Variants in RBM20 observed in about 807,000 individuals in gnomAD.
RBM20 encodes the protein RNA binding motif protein 20, also known as RNA-binding protein 20.
A neutral mutation model predicts 110.1 loss-of-function variants in RBM20; 51 were observed. The ratio of observed to expected loss-of-function variants is 0.46; its 90% CI spans 0.37 to 0.59. The LOEUF is 0.59. RBM20 is among the 20% of genes least tolerant of loss of function. RBM20 has a pLI of 0.00. For missense variants in RBM20, 1,512 were observed against 1,574.9 expected (o/e 0.96, Z 0.68); for synonymous variants, 589 against 618.2 (o/e 0.95, Z 0.70).
At chr10:110,736,580 G>A (rs765690082) in intron 1 of RBM20, among the ~76,000 whole-genome samples, 1 of 152,142 alleles carries the variant, frequency 6.6e-6, no homozygotes, top group African/African-American at 2.4e-5. Context: ...AACTGAGAGG[G>A]ACATGGTGGT....
At chr10:110,697,228 G>A (rs1862678138) in intron 1 of RBM20, among the ~76,000 whole-genome samples, 1 of 151,186 alleles carries the variant, frequency 6.6e-6, no homozygotes, top group Non-Finnish European at 1.5e-5. Context: ...CAGCAGTGCT[G>A]GGCTGTAGTC....
At chr10:110,658,401 T>C (rs1862056133) in intron 1 of RBM20, among the ~76,000 whole-genome samples, 1 of 152,208 alleles carries the variant, frequency 6.6e-6, no homozygotes, top group Non-Finnish European at 1.5e-5. Flanking sequence ...TTATCCCAGT[T>C]AATCCTCCAA....
At chr10:110,669,896 TCAA>T (rs1248160395) in intron 1 of RBM20, among the ~76,000 whole-genome samples, 1 of 152,238 alleles carries the variant, frequency 6.6e-6, no homozygotes, top group East Asian at 1.9e-4. Context: ...TAGAACTTGG[TCAA>T]TCGACAAACT....
intron 1 of RBM20, among the ~76,000 whole-genome samples, chr10:110,714,111 G>A (rs1862980965): frequency 6.6e-6 from 1 of 152,150 alleles, no homozygotes; most frequent in Admixed American, 6.5e-5. Flanking sequence ...TATGGGAAGA[G>A]GACTTTGGGA....
chr10:110,769,674 G>T (rs1323918004), intron 1 of RBM20, among the ~76,000 whole-genome samples: 1 of 152,060 alleles, frequency 6.6e-6, no homozygotes, highest in African/African-American at 2.4e-5. Flanking sequence ...GCTAGTAGAA[G>T]TAGCTCATTA....
chr10:110,790,579 C>A (rs904635390), intron 5 of RBM20, among the ~76,000 whole-genome samples: 1 of 152,202 alleles, frequency 6.6e-6, no homozygotes, highest in Admixed American at 6.5e-5. Context: ...ATCTCTCTAG[C>A]TAGTGTATGT....
chr10:110,835,902 A>G lies in RBM20; in HGVS notation c.3608A>G (p.Lys1203Arg). The change falls in exon 14 of 14, where the codon AAG becomes AGG. Residue 1203 changes from lysine to arginine, a missense_variant. By Grantham distance (26) the Lys-to-Arg change is conservative. Coordinates refer to ENST00000369519, the MANE Select transcript of RBM20 (RefSeq NM_001134363.3). Reference sequence around the variant, plus strand: ...TCCCAGCTGGCCGAGGAGGGCCTCAAGGAGACCGAGGGGGCAGATAGCCCG... The same window carrying G: ...TCCCAGCTGGCCGAGGAGGGCCTCAGGGAGACCGAGGGGGCAGATAGCCCG... ...YLSQLAEEGL[K>R]ETEGADSPRP... The G allele has an allele frequency of 6.5e-7, 1 of 1,546,280 alleles. No homozygotes were observed. The highest frequency in any genetic ancestry group is 8.8e-7 in the Non-Finnish European group (1 of 1,142,462).
chr10:110,683,285 GTT>G (rs1321638919), intron 1 of RBM20, among the ~76,000 whole-genome samples: 1 of 152,220 alleles, frequency 6.6e-6, no homozygotes, highest in Non-Finnish European at 1.5e-5. Flanking sequence ...GCAGAAGGCA[GTT>G]TTATTTTTTG....
chr10:110,644,428 C>T lies in RBM20; in HGVS notation c.-27C>T, dbSNP rs1215301614. 3.5e-6 allele frequency: 5 copies of T among 1,448,184 alleles called. No homozygotes were observed. In the African/African-American group the frequency reaches 5.9e-5, roughly 17 times the overall value. The allele number at this position is 1,448,184 out of a possible 1,614,324, so 89.7% of individuals were successfully genotyped here. A position where few individuals can be genotyped will look rare whatever the true frequency, so the allele number is the denominator to read the frequency against. ...CCGCCCCTCCCTTGAGCTCTCTCGC[C>T]GCGATCCCGGGCGGGTCTCGCCCCG... is the stretch of plus-strand genomic sequence containing the variant. On this transcript the variant is annotated 5_prime_UTR_variant, in exon 1 of 14. Coordinates refer to ENST00000369519, the MANE Select transcript of RBM20 (RefSeq NM_001134363.3). This position sits in a 1 kb window ranked among gnomAD's most constrained non-coding sequence, Gnocchi z 4.3.
intron 1 of RBM20, among the ~76,000 whole-genome samples, chr10:110,735,521 G>A (rs1005726994): frequency 3.9e-5 from 6 of 152,200 alleles, no homozygotes; most frequent in African/African-American, 7.2e-5. Flanking sequence ...TGTGTTTTCC[G>A]AGCCTCCTGT....
chr10:110,814,051 C>T (rs1275967130), intron 9 of RBM20, among the ~76,000 whole-genome samples: 1 of 152,106 alleles, frequency 6.6e-6, no homozygotes, highest in Non-Finnish European at 1.5e-5. Context: ...TGGCAATATG[C>T]ATAAGGAGCC....
At chr10:110,795,255 C>T (rs1336408182) in intron 5 of RBM20, among the ~76,000 whole-genome samples, 1 of 152,232 alleles carries the variant, frequency 6.6e-6, no homozygotes, top group Non-Finnish European at 1.5e-5. Flanking sequence ...CTTAATAGCA[C>T]TCCTCCTTTC....
At chr10:110,697,313 G>C (rs1862680167) in intron 1 of RBM20, among the ~76,000 whole-genome samples, 1 of 152,194 alleles carries the variant, frequency 6.6e-6, no homozygotes, top group Non-Finnish European at 1.5e-5. Context: ...CTCACTCCTA[G>C]CCAGCTGCAC....
chr10:110,811,172 T>C (rs1844763113), intron 8 of RBM20, among the ~76,000 whole-genome samples: 1 of 152,168 alleles, frequency 6.6e-6, no homozygotes, highest in African/African-American at 2.4e-5. Context: ...CAGTCGGTGC[T>C]GTCACTTCCC....
rs1207647138 is a variant in RBM20 at position 110,783,441 on chromosome 10, A to G, written c.1337+14A>G. 2 of 1,546,334 alleles carry G rather than the reference A, an allele frequency of 1.3e-6. No homozygotes were observed. The highest frequency in any genetic ancestry group is 2.4e-5 in the East Asian group (1 of 40,870). ...CTTCTCTGAAAAGTAAGTGCTGTTC[A>G]GGAGGACAGGCTCATGCGTAGGCTC... On this transcript the variant is annotated intron_variant, in intron 3 of 13. Coordinates refer to ENST00000369519, the MANE Select transcript of RBM20 (RefSeq NM_001134363.3).
intron 7 of RBM20, among the ~76,000 whole-genome samples, chr10:110,809,318 A>G (rs1042365596): frequency 2.6e-5 from 4 of 151,952 alleles, no homozygotes; most frequent in East Asian, 1.9e-4. Flanking sequence ...AAAAGTTTAC[A>G]TAGACTGAGG....
At chr10:110,668,378 T>C (rs555780882) in intron 1 of RBM20, among the ~76,000 whole-genome samples, 4 of 152,216 alleles carry the variant, frequency 2.6e-5, no homozygotes, top group East Asian at 3.9e-4. Flanking sequence ...CTGAAAAGCA[T>C]AAAACAAGGG....
intron 7 of RBM20, among the ~76,000 whole-genome samples, chr10:110,809,129 T>A (rs888953655): frequency 1.3e-5 from 2 of 148,390 alleles, no homozygotes; most frequent in East Asian, 4.0e-4. Flanking sequence ...AGTGGGAGAA[T>A]CACTTGTGCC....
At position 110,656,272 on chromosome 10, in the gene RBM20, C is replaced by T. The variant is rs974367273; in HGVS notation, c.191+11627C>T. 1.2e-4 allele frequency among the ~76,000 whole-genome samples: 19 copies of T among 152,150 alleles called. No individual in the cohort carries two copies. The East Asian group carries it at 2.5e-3, about 20-fold the overall frequency. The stretch of plus-strand genomic sequence containing the variant: ...GTGAGCTGTGGAGATAGCGCCATTG[C>T]ACTCCAGCCTGGGCAACAAGAGCAA... On this transcript the variant is annotated intron_variant, in intron 1 of 13. Coordinates refer to ENST00000369519, the MANE Select transcript of RBM20 (RefSeq NM_001134363.3).
Sources: gnomAD v4.1 joint callset for allele counts (sites outside exome capture counted in the v4.1 genomes callset) on GRCh38, gnomAD v4.1.1 for gene constraint, Gnocchi (gnomAD v3.1) non-coding constraint, MANE v1.5 for transcripts, NCBI Gene and HGNC (gene_info 2026-07-23, HGNC 2026-07-21) for gene names.